Variants in FTO observed in about 807,000 individuals in gnomAD.
FTO encodes the protein FTO alpha-ketoglutarate dependent dioxygenase, also known as alpha-ketoglutarate-dependent dioxygenase FTO.
A neutral mutation model predicts 63.9 loss-of-function variants in FTO; 47 were observed. That is an observed-to-expected ratio of 0.74 (90% CI 0.58 to 0.94). The LOEUF is 0.94. Among genes scored for constraint, FTO ranks in the 40% least tolerant of loss-of-function variants. FTO has a pLI of 0.00. For missense variants in FTO, 562 were observed against 618.1 expected, an observed-to-expected ratio of 0.91 and a Z score of 0.96; for synonymous variants, 207 against 224.4, an observed-to-expected ratio of 0.92 and a Z score of 0.69.
At position 53,799,581 on chromosome 16, in the gene FTO, G is replaced by A. The variant is rs953228143; in HGVS notation, c.46-10559G>A. On this transcript the variant is annotated intron_variant, in intron 1 of 8. Transcript: ENST00000471389. ...TTCTTGGCCCAGTGTGGGGTTGTTT[G>A]TGGATGACATCTCATTCTCATCCTG... Among the ~76,000 whole-genome samples, 7 of 152,198 alleles carry A rather than the reference G, an allele frequency of 4.6e-5. No individual in the cohort carries two copies. The South Asian group carries it at 1.2e-3, about 27-fold the overall frequency.
chr16:53,899,473 T>A (rs781551750), intron 7 of FTO, among the ~76,000 whole-genome samples: 2 of 152,202 alleles, frequency 1.3e-5, no homozygotes, highest in African/African-American at 2.4e-5. Context: ...TGGACAGGTT[T>A]TGGGCACAGG....
intron 1 of FTO, among the ~76,000 whole-genome samples, chr16:53,737,603 A>G (rs1166304099): frequency 6.6e-6 from 1 of 152,202 alleles, no homozygotes; most frequent in Non-Finnish European, 1.5e-5. Flanking sequence ...TGTCTGAAAT[A>G]CCATTCTGCA....
intron 1 of FTO, among the ~76,000 whole-genome samples, chr16:53,805,774 T>C (rs1216786498): frequency 6.6e-6 from 1 of 152,180 alleles, no homozygotes; most frequent in African/African-American, 2.4e-5. Flanking sequence ...ATAGGTCTTT[T>C]GTCCTCTTTT....
At chr16:53,710,715 A>G (rs1223042078) in intron 1 of FTO, among the ~76,000 whole-genome samples, 1 of 152,210 alleles carries the variant, frequency 6.6e-6, no homozygotes, top group South Asian at 2.1e-4. Context: ...CTAATATTTA[A>G]AAGTTGAGGG....
intron 4 of FTO, among the ~76,000 whole-genome samples, chr16:53,866,010 C>G (rs1001964923): frequency 6.6e-6 from 1 of 152,166 alleles, no homozygotes. Flanking sequence ...TTTCATACCG[C>G]TAAGTATGAT....
intron 8 of FTO, among the ~76,000 whole-genome samples, chr16:54,010,610 A>G (rs1023300897): frequency 6.6e-6 from 1 of 152,042 alleles, no homozygotes; most frequent in Non-Finnish European, 1.5e-5. Flanking sequence ...CAACGTTTTT[A>G]CCTCCAGTTC....
intron 8 of FTO, among the ~76,000 whole-genome samples, chr16:54,036,990 A>G (rs749871760): frequency 9.2e-5 from 14 of 152,190 alleles, no homozygotes; most frequent in Non-Finnish European, 1.6e-4. Flanking sequence ...CCGTGTGTCC[A>G]CTTGCTCCCC....
chr16:53,785,368 T>C (rs951851643), intron 1 of FTO, among the ~76,000 whole-genome samples: 3 of 152,210 alleles, frequency 2.0e-5, no homozygotes, highest in Non-Finnish European at 4.4e-5. Flanking sequence ...TCTGCTTTCA[T>C]GGAGCTTATA....
At chr16:53,763,394 G>A (rs556405690) in intron 1 of FTO, among the ~76,000 whole-genome samples, 1 of 152,222 alleles carries the variant, frequency 6.6e-6, no homozygotes, top group East Asian at 1.9e-4. Context: ...TTAAAAACCC[G>A]CAGATTGTGT....
At position 53,931,294 on chromosome 16, in the gene FTO, G is replaced by GTT. The variant is rs531499997; in HGVS notation, c.1240-2690_1240-2689insTT. On this transcript the variant is annotated intron_variant, in intron 7 of 8. Coordinates refer to ENST00000471389, the MANE Select transcript of FTO (RefSeq NM_001080432.3). ...ATCCACAGATATAACCACAAACTATGTGACTTTTTTTTTTTTTTTTTTTTT... is the reference window on the plus strand; with the variant it reads ...ATCCACAGATATAACCACAAACTATGTTTGACTTTTTTTTTTTTTTTTTTTTT... 4.3e-3 allele frequency among the ~76,000 whole-genome samples: 578 copies of GTT among 134,682 alleles called. 4 individuals carry two copies. Among genetic ancestry groups the GTT allele is most frequent in the African/African-American group, 0.016 (558 of 35,478 alleles). The allele number at this position is 134,682 out of a possible 152,430, so 88.4% of individuals were successfully genotyped here. A position where few individuals can be genotyped will look rare whatever the true frequency, so the allele number is the denominator to read the frequency against.
chr16:53,791,801 C>T (rs2077920503), intron 1 of FTO, among the ~76,000 whole-genome samples: 1 of 152,174 alleles, frequency 6.6e-6, no homozygotes. Context: ...AGGCCGGGCG[C>T]GGTGGCTCAC....
chr16:54,100,486 A>G (rs1183570986), intron 8 of FTO, among the ~76,000 whole-genome samples: 2 of 151,954 alleles, frequency 1.3e-5, no homozygotes, highest in Non-Finnish European at 2.9e-5. Context: ...CCAACTAGCT[A>G]GGACTGCAGC....
intron 8 of FTO, chr16:54,052,608 G>A (rs1251687236): frequency 6.6e-6 from 1 of 152,130 alleles, no homozygotes; most frequent in Non-Finnish European, 1.5e-5. Context: ...CCTTTTCAAG[G>A]GCAGGCTGAG....
intron 8 of FTO, among the ~76,000 whole-genome samples, chr16:54,034,556 C>A (rs776857734): frequency 1.3e-5 from 2 of 152,138 alleles, no homozygotes; most frequent in Non-Finnish European, 1.5e-5. Context: ...GTCCTGGAAC[C>A]TGTTTAGTCA....
intron 4 of FTO, among the ~76,000 whole-genome samples, chr16:53,865,396 A>C (rs2080280494): frequency 6.6e-6 from 1 of 152,012 alleles, no homozygotes; most frequent in East Asian, 1.9e-4. Context: ...TTTATCCTCT[A>C]TATTGTTGTG....
chr16:54,001,825 A>G (rs989475877), intron 8 of FTO, among the ~76,000 whole-genome samples: 5 of 152,168 alleles, frequency 3.3e-5, no homozygotes, highest in Non-Finnish European at 4.4e-5. Context: ...CAGCCTCACA[A>G]GACTCCATGC....
intron 1 of FTO, among the ~76,000 whole-genome samples, chr16:53,788,447 A>G (rs1192976660): frequency 6.6e-6 from 1 of 151,950 alleles, no homozygotes; most frequent in Non-Finnish European, 1.5e-5. Flanking sequence ...TACTAAAAAT[A>G]CAAAAATTAG....
At chr16:53,883,647 A>AC in intron 6 of FTO, among the ~76,000 whole-genome samples, 1 of 98,256 alleles carries the variant, frequency 1.0e-5, no homozygotes, top group African/African-American at 5.1e-5. Context: ...AAAAAAAAAA[A>AC]AACAAATTTG....
At chr16:54,009,812 T>A (rs1031204904) in intron 8 of FTO, among the ~76,000 whole-genome samples, 6 of 152,190 alleles carry the variant, frequency 3.9e-5, no homozygotes, top group Non-Finnish European at 7.3e-5. Context: ...TCCTGTCATG[T>A]AACTCCCTCT....
Sources: gnomAD v4.1 joint callset for allele counts (sites outside exome capture counted in the v4.1 genomes callset) on GRCh38, gnomAD v4.1.1 for gene constraint, MANE v1.5 for transcripts, NCBI Gene and HGNC (gene_info 2026-07-23, HGNC 2026-07-21) for gene names.